Variants in THRB observed in about 807,000 individuals in gnomAD.
THRB encodes the protein thyroid hormone receptor beta, also known as nuclear receptor subfamily 1 group A member 2.
Under a neutral mutation model 47.8 loss-of-function variants are expected in THRB, and 12 were observed. The observed-to-expected ratio is 0.25, with a 90% CI of 0.16 to 0.41. The LOEUF (loss-of-function observed/expected upper bound fraction) is 0.41. Among genes scored for constraint, THRB ranks in the 10% least tolerant of loss-of-function variants. THRB has a pLI of 1.00. For missense variants in THRB, 348 were observed against 589.2 expected (o/e 0.59, Z 4.24); for synonymous variants, 218 against 212.2 (o/e 1.03, Z -0.24).
intron 3 of THRB, among the ~76,000 whole-genome samples, chr3:24,285,855 T>C (rs947279979): frequency 9.9e-5 from 15 of 152,202 alleles, no homozygotes; most frequent in African/African-American, 3.6e-4. Context: ...TTATGCCTTG[T>C]TATAGGCTAA....
At chr3:24,210,669 G>C (rs533134927) in intron 4 of THRB, among the ~76,000 whole-genome samples, 1 of 152,286 alleles carries the variant, frequency 6.6e-6, no homozygotes, top group South Asian at 2.1e-4. Flanking sequence ...CTGACGCTGG[G>C]CTACCTGGCA....
At chr3:24,135,847 A>ATT (rs371175625) in intron 8 of THRB, among the ~76,000 whole-genome samples, 1,603 of 130,966 alleles carry the variant, frequency 0.012, 52 homozygotes, top group African/African-American at 0.049. Flanking sequence ...ATATATATAT[A>ATT]ATACATAAAT....
At chr3:24,201,503 TC>T (rs1158363186) in intron 4 of THRB, among the ~76,000 whole-genome samples, 16 of 152,182 alleles carry the variant, frequency 1.1e-4, no homozygotes, top group African/African-American at 3.9e-4. Flanking sequence ...CCCATGTGAC[TC>T]ACATGCACAT....
intron 4 of THRB, among the ~76,000 whole-genome samples, chr3:24,216,803 A>G (rs2046612577): frequency 6.6e-6 from 1 of 152,190 alleles, no homozygotes. Context: ...ATTTATCCCA[A>G]TAATTTCTTA....
rs529271174 is a variant in THRB, at chr3:24,434,760, A to G, written c.-261+59892T>C. 2.0e-5 allele frequency among the ~76,000 whole-genome samples: 3 copies of G among 152,036 alleles called. No individual in the cohort carries two copies. The South Asian group carries it at 6.2e-4, about 32-fold the overall frequency. ...AGAAAACAAGAAGGACATTTTGGGGAAAAAGAATGATGAGTGCAAATGCAG... is the reference window on the plus strand; with the variant it reads ...AGAAAACAAGAAGGACATTTTGGGGGAAAAGAATGATGAGTGCAAATGCAG... On this transcript the variant is annotated intron_variant, in intron 1 of 10. Coordinates refer to ENST00000646209, the MANE Select transcript of THRB (RefSeq NM_001354712.2).
At chr3:24,410,403 C>G (rs1457273645) in intron 1 of THRB, among the ~76,000 whole-genome samples, 1 of 151,750 alleles carries the variant, frequency 6.6e-6, no homozygotes, top group Non-Finnish European at 1.5e-5. Flanking sequence ...GAATTGAGTA[C>G]AATCTTTGGA....
At chr3:24,266,932 G>A (rs1204387551) in intron 3 of THRB, among the ~76,000 whole-genome samples, 2 of 151,700 alleles carry the variant, frequency 1.3e-5, no homozygotes, top group East Asian at 3.9e-4. Flanking sequence ...GGAGGAGAGA[G>A]GTGGAGGAGA....
At chr3:24,478,314 T>A (rs1695794785) in intron 1 of THRB, among the ~76,000 whole-genome samples, 1 of 152,192 alleles carries the variant, frequency 6.6e-6, no homozygotes, top group South Asian at 2.1e-4. Flanking sequence ...GCAGGGAATA[T>A]GTTGTTCACT....
rs1553776523 is a variant in THRB at position 24,481,246 on chromosome 3, T to TTTG, written c.-261+13405_-261+13406insCAA. ...TTCTTTCTGTTTTTTTTTTTTTTTT[T>TTTG]TTTTTTTTTTTACGGAAAAAGAAAA... On this transcript the variant is annotated intron_variant, in intron 1 of 10. Transcript: ENST00000646209. 3.3e-3 allele frequency among the ~76,000 whole-genome samples: 484 copies of TTTG among 147,762 alleles called. 6 individuals are homozygous for TTTG. Among genetic ancestry groups the TTTG allele is most frequent in the African/African-American group, 0.012 (467 of 39,542 alleles).
intron 5 of THRB, among the ~76,000 whole-genome samples, chr3:24,154,317 T>C (rs1047511818): frequency 3.9e-4 from 60 of 152,186 alleles, no homozygotes; most frequent in Non-Finnish European, 1.3e-4. Flanking sequence ...GTTCATTCAG[T>C]CATTTATCTA....
intron 1 of THRB, among the ~76,000 whole-genome samples, chr3:24,364,146 G>A (rs958082): frequency 0.29 from 44,102 of 151,956 alleles, 7,707 homozygotes; most frequent in African/African-American, 0.47. Context: ...AAGGCTACAC[G>A]GCAAACCAAT....
intron 1 of THRB, among the ~76,000 whole-genome samples, chr3:24,432,437 T>C (rs766377474): frequency 1.3e-5 from 2 of 152,146 alleles, no homozygotes; most frequent in South Asian, 2.1e-4. Flanking sequence ...CAGAGGTACA[T>C]ACACCTTCTA....
At chr3:24,148,028 T>G (rs1021030665) in intron 6 of THRB, among the ~76,000 whole-genome samples, 3 of 152,190 alleles carry the variant, frequency 2.0e-5, no homozygotes, top group Non-Finnish European at 2.9e-5. Flanking sequence ...ATGTTTTAGA[T>G]CAACAGATTA....
At position 24,372,995 on chromosome 3, in the gene THRB, G is replaced by A. The variant is rs1334427351; in HGVS notation, c.-260-35624C>T. ...ATGCTCCATGGAGCCTCAAGGGGCC[G>A]AGGGGCCTAGCAACATAGAAAGAGA... On this transcript the variant is annotated intron_variant, in intron 1 of 10. Coordinates refer to ENST00000646209, the MANE Select transcript of THRB (RefSeq NM_001354712.2). 1.2e-4 allele frequency among the ~76,000 whole-genome samples: 19 copies of A among 152,196 alleles called. No individual in the cohort carries two copies. The East Asian group carries it at 1.9e-3, about 16-fold the overall frequency.
intron 3 of THRB, among the ~76,000 whole-genome samples, chr3:24,275,239 A>C (rs558517029): frequency 6.6e-6 from 1 of 152,232 alleles, no homozygotes; most frequent in South Asian, 2.1e-4. Flanking sequence ...GTCTTGAAAA[A>C]CTAAAAATTA....
Position 24,283,336 on chromosome 3 carries a change from G to A in THRB, c.-43+13890C>T, listed in dbSNP as rs1391116257. On this transcript the variant is annotated intron_variant, in intron 3 of 10. Transcript: ENST00000646209. Reference sequence around the variant, plus strand: ...AAACAGAACCAAAGACAAAAACCACGTGATTATCTCAATAGATGCAGAAAA... The same window carrying A: ...AAACAGAACCAAAGACAAAAACCACATGATTATCTCAATAGATGCAGAAAA... 9.8e-3 allele frequency among the ~76,000 whole-genome samples: 1,465 copies of A among 150,136 alleles called. 9 individuals are homozygous for A. The highest frequency in any genetic ancestry group is 0.024 in the Middle Eastern group (7 of 288).
At chr3:24,295,129 A>T (rs2056334161) in intron 3 of THRB, among the ~76,000 whole-genome samples, 1 of 152,266 alleles carries the variant, frequency 6.6e-6, no homozygotes, top group Non-Finnish European at 1.5e-5. Flanking sequence ...ATTTAAATAT[A>T]TAACGGGGGC....
intron 5 of THRB, chr3:24,164,972 T>C (rs73035994): frequency 0.035 from 23,332 of 674,932 alleles, 550 homozygotes; most frequent in East Asian, 0.077. Flanking sequence ...AACTTTAAAA[T>C]GAAACGAAAA....
At chr3:24,471,087 G>A (rs989517447) in intron 1 of THRB, among the ~76,000 whole-genome samples, 1 of 152,202 alleles carries the variant, frequency 6.6e-6, no homozygotes, top group African/African-American at 2.4e-5. Flanking sequence ...CTGACTGAAA[G>A]AGTGGGACCC....
Sources: allele counts gnomAD v4.1 joint callset (sites outside exome capture counted in the v4.1 genomes callset), GRCh38; gene constraint gnomAD v4.1.1; transcripts MANE v1.5; gene names NCBI Gene and HGNC (gene_info 2026-07-23, HGNC 2026-07-21).